C1QTNF7: variants seen among roughly 807,000 people sequenced by gnomAD.
C1QTNF7 encodes the protein complement C1q tumor necrosis factor-related protein 7.
C1QTNF7 carries 15 observed loss-of-function variants against 19.6 expected under a neutral mutation model. The ratio of observed to expected loss-of-function variants is 0.76; its 90% CI spans 0.51 to 1.18. The LOEUF is 1.18. C1QTNF7 is among the 50% of genes most tolerant of loss of function. The probability of loss-of-function intolerance (pLI) is 0.00; values close to 1 mark genes in which losing one functional copy is unlikely to be tolerated. For missense variants in C1QTNF7, 324 were observed against 359.7 expected (o/e 0.90, Z 0.80); for synonymous variants, 142 against 137.5 (o/e 1.03, Z -0.23).
intron 1 of C1QTNF7, among the ~76,000 whole-genome samples, chr4:15,389,320 G>C (rs539771081): frequency 1.3e-5 from 2 of 152,320 alleles, no homozygotes; most frequent in South Asian, 4.1e-4. Flanking sequence ...TGGTGAGGCT[G>C]TAAGTGGGAG....
intron 1 of C1QTNF7, among the ~76,000 whole-genome samples, chr4:15,364,657 G>A (rs1404041865): frequency 1.3e-5 from 2 of 152,122 alleles, no homozygotes; most frequent in Non-Finnish European, 2.9e-5. Flanking sequence ...AAATACTAAA[G>A]AAATTACACA....
intron 1 of C1QTNF7, among the ~76,000 whole-genome samples, chr4:15,391,582 A>C (rs1718559422): frequency 6.6e-6 from 1 of 152,168 alleles, no homozygotes; most frequent in African/African-American, 2.4e-5. Context: ...CAGATCTGAG[A>C]ATTCCACTGG....
chr4:15,369,306 T>C (rs1242077631), intron 1 of C1QTNF7, among the ~76,000 whole-genome samples: 2 of 152,328 alleles, frequency 1.3e-5, no homozygotes, highest in African/African-American at 4.8e-5. Context: ...GAAACCAGCA[T>C]CACTTTAGAT....
chr4:15,439,395 TCAAA>T (rs1436029707), intron 2 of C1QTNF7, among the ~76,000 whole-genome samples: 3 of 152,188 alleles, frequency 2.0e-5, no homozygotes, highest in Non-Finnish European at 4.4e-5. Context: ...GGGTGAGACC[TCAAA>T]CAATCTAGTC....
At chr4:15,414,195 A>G (rs1719507265) in intron 1 of C1QTNF7, among the ~76,000 whole-genome samples, 1 of 152,226 alleles carries the variant, frequency 6.6e-6, no homozygotes, top group African/African-American at 2.4e-5. Flanking sequence ...GAATGAATAA[A>G]TAAACCATTT....
chr4:15,440,135 A>T (rs1712692598), intron 2 of C1QTNF7, among the ~76,000 whole-genome samples: 1 of 152,152 alleles, frequency 6.6e-6, no homozygotes, highest in South Asian at 2.1e-4. Flanking sequence ...TGGTCTGCAG[A>T]TATAAAGATT....
At chr4:15,354,793 C>T (rs1214258781) in intron 1 of C1QTNF7, among the ~76,000 whole-genome samples, 1 of 151,912 alleles carries the variant, frequency 6.6e-6, no homozygotes, top group Non-Finnish European at 1.5e-5. Flanking sequence ...ATTTTTTTTC[C>T]TAGTGCTACA....
intron 1 of C1QTNF7, among the ~76,000 whole-genome samples, chr4:15,366,285 G>T (rs1313115011): frequency 6.6e-6 from 1 of 152,036 alleles, no homozygotes; most frequent in Non-Finnish European, 1.5e-5. Context: ...TCACATCTCG[G>T]GAACCCCCTC....
At chr4:15,403,564 C>T (rs1357649448) in intron 1 of C1QTNF7, among the ~76,000 whole-genome samples, 2 of 152,184 alleles carry the variant, frequency 1.3e-5, no homozygotes, top group African/African-American at 2.4e-5. Flanking sequence ...ACCTTCTTTT[C>T]TGTCTCTTTT....
chr4:15,341,124 C>T lies in C1QTNF7; in HGVS notation c.13+917C>T, dbSNP rs557414369. ...CTTCCAGCAGGCTGAGATTTTATCA[C>T]AGCTCCACATTCATTCCTTCACGCA... On this transcript the variant is annotated intron_variant, in intron 1 of 2. Coordinates refer to the C1QTNF7 transcript ENST00000295297. Among the ~76,000 whole-genome samples the T allele has an allele frequency of 3.9e-5, 6 of 152,358 alleles. No individual in the cohort carries two copies. The South Asian group carries it at 8.3e-4, about 21-fold the overall frequency.
At chr4:15,416,738 G>A (rs995262195) in intron 1 of C1QTNF7, among the ~76,000 whole-genome samples, 1 of 152,206 alleles carries the variant, frequency 6.6e-6, no homozygotes, top group Non-Finnish European at 1.5e-5. Context: ...AATTTCTGCA[G>A]TTTGTTAGAT....
chr4:15,435,262 A>G (rs1712481213), intron 1 of C1QTNF7, among the ~76,000 whole-genome samples: 1 of 152,244 alleles, frequency 6.6e-6, no homozygotes, highest in South Asian at 2.1e-4. Flanking sequence ...AAGGAAGTGT[A>G]GAAATGGCAT....
intron 1 of C1QTNF7, among the ~76,000 whole-genome samples, chr4:15,403,722 C>A (rs1719081582): frequency 1.3e-5 from 2 of 152,140 alleles, no homozygotes; most frequent in Admixed American, 6.6e-5. Context: ...TTTGAGGGGG[C>A]TACTATTCAG....
intron 1 of C1QTNF7, among the ~76,000 whole-genome samples, chr4:15,366,600 T>G (rs1048911736): frequency 6.6e-6 from 1 of 152,162 alleles, no homozygotes; most frequent in Non-Finnish European, 1.5e-5. Flanking sequence ...TTCCTCTCCT[T>G]CCTTCTTTTT....
intron 1 of C1QTNF7, among the ~76,000 whole-genome samples, chr4:15,384,182 G>GCA (rs1718249083): frequency 6.6e-6 from 1 of 152,140 alleles, no homozygotes; most frequent in African/African-American, 2.4e-5. Flanking sequence ...GTTGAACCTG[G>GCA]GATCATTGCT....
At chr4:15,416,405 G>A (rs2108921505) in intron 1 of C1QTNF7, among the ~76,000 whole-genome samples, 1 of 152,282 alleles carries the variant, frequency 6.6e-6, no homozygotes, top group South Asian at 2.1e-4. Context: ...GTTACCTTAG[G>A]CATGTTCCTC....
chr4:15,368,353 C>CAT (rs1445546078), intron 1 of C1QTNF7, among the ~76,000 whole-genome samples: 4 of 151,974 alleles, frequency 2.6e-5, no homozygotes, highest in Non-Finnish European at 4.4e-5. Context: ...AGGTTTGTTA[C>CAT]ATATATATAC....
rs575393292 is a variant in C1QTNF7, at chr4:15,360,068, T to C, written c.13+19861T>C. Among the ~76,000 whole-genome samples, 3 of 152,276 alleles carry C rather than the reference T, an allele frequency of 2.0e-5. No homozygotes were observed. In the East Asian group the frequency reaches 5.8e-4, roughly 29 times the overall value. On this transcript the variant is annotated intron_variant, in intron 1 of 2. Transcript: ENST00000295297. ...TGCAATATTCTTGGATTTGGCTTCA[T>C]CCATCAAGGGTCTGGCAGGTGTAAC...
rs576466265 is a variant in C1QTNF7, at chr4:15,428,142, A to T, written c.-9+36A>T. 213 of 933,982 alleles carry T rather than the reference A, an allele frequency of 2.3e-4. No individual in the cohort carries two copies. The South Asian group carries it at 2.4e-3, about 10-fold the overall frequency. The allele number at this position is 933,982 out of a possible 1,614,324, so 57.9% of individuals were successfully genotyped here. Reference sequence around the variant, plus strand: ...TACTCTTTTTTTTAGAATTTTGGCAAATGTAGATGCAATGGCCTGTTCTCG... The same window carrying T: ...TACTCTTTTTTTTAGAATTTTGGCATATGTAGATGCAATGGCCTGTTCTCG... On this transcript the variant is annotated intron_variant, in intron 1 of 2. Coordinates refer to ENST00000444304, the MANE Select transcript of C1QTNF7 (RefSeq NM_031911.5).
Sources: gnomAD v4.1 joint callset for allele counts (sites outside exome capture counted in the v4.1 genomes callset) on GRCh38, gnomAD v4.1.1 for gene constraint, MANE v1.5 for transcripts, NCBI Gene and HGNC (gene_info 2026-07-23, HGNC 2026-07-21) for gene names.